N4BP1: variants seen among roughly 807,000 people sequenced by gnomAD.
The protein encoded by N4BP1 is NEDD4-binding protein 1.
N4BP1 carries 21 observed loss-of-function variants against 70.9 expected under a neutral mutation model. The ratio of observed to expected loss-of-function variants is 0.30; its 90% CI spans 0.21 to 0.43. The LOEUF (loss-of-function observed/expected upper bound fraction) is 0.43, where lower values mean the gene tolerates loss of function less well. Among genes scored for constraint, N4BP1 ranks in the 20% least tolerant of loss-of-function variants. N4BP1 has a pLI of 1.00. For synonymous variants in N4BP1, 387 were observed against 394.6 expected (o/e 0.98, Z 0.23); for missense variants, 936 against 1,069.4 (o/e 0.88, Z 1.74).
At chr16:48,606,573 G>A (rs894373566) in intron 1 of N4BP1, among the ~76,000 whole-genome samples, 5 of 152,156 alleles carry the variant, frequency 3.3e-5, no homozygotes, top group African/African-American at 2.4e-5. Context: ...TGCTTTCTAC[G>A]ACAAATCTTC....
At chr16:48,551,277 C>T (rs1163272885) in intron 4 of N4BP1, 109 bp downstream of exon 4, 9 of 690,028 alleles carry the variant, frequency 1.3e-5, no homozygotes, top group East Asian at 2.6e-5. Flanking sequence ...AAATATTAAA[C>T]CCACTGCATC....
At chr16:48,571,732 G>GA (rs1440451497) in intron 1 of N4BP1, among the ~76,000 whole-genome samples, 2 of 152,062 alleles carry the variant, frequency 1.3e-5, no homozygotes, top group Non-Finnish European at 2.9e-5. Context: ...TAGAAAAACT[G>GA]AAAGACAAAG....
intron 1 of N4BP1, among the ~76,000 whole-genome samples, chr16:48,608,770 A>G (rs1039658185): frequency 2.5e-4 from 37 of 149,882 alleles, no homozygotes; most frequent in Non-Finnish European, 4.0e-4. Context: ...AAAAAAAAAA[A>G]GGCGGGGTGG....
intron 2 of N4BP1, among the ~76,000 whole-genome samples, chr16:48,554,122 T>TG (rs528945791): frequency 1.3e-5 from 2 of 148,708 alleles, no homozygotes; most frequent in Non-Finnish European, 3.0e-5. Flanking sequence ...ATGAAACTAA[T>TG]GGGGGGCCGT....
intron 1 of N4BP1, among the ~76,000 whole-genome samples, chr16:48,566,444 T>C (rs1423462300): frequency 6.6e-6 from 1 of 152,192 alleles, no homozygotes; most frequent in African/African-American, 2.4e-5. Flanking sequence ...TTCATTTAGT[T>C]CAATATATTT....
chr16:48,600,224 C>A, intron 1 of N4BP1: 1 of 773,238 alleles, frequency 1.3e-6, no homozygotes, highest in South Asian at 1.4e-5. Flanking sequence ...GCATGATGTT[C>A]ATCCGCAACG....
intron 6 of N4BP1, 79 bp from the exon 7 acceptor site, chr16:48,543,340 G>A (rs545661876): frequency 1.2e-5 from 15 of 1,213,886 alleles, no homozygotes; most frequent in East Asian, 8.0e-5. Flanking sequence ...AGGTACCTGC[G>A]GCAGGCCTTG....
At chr16:48,577,955 C>G (rs1386305808) in intron 1 of N4BP1, 1 of 155,444 alleles carries the variant, frequency 6.4e-6, no homozygotes, top group African/African-American at 2.4e-5. Flanking sequence ...GCCCCTCGGA[C>G]GGCATCTCCT....
intron 2 of N4BP1, among the ~76,000 whole-genome samples, chr16:48,558,894 A>G (rs1167378504): frequency 1.3e-5 from 2 of 152,268 alleles, no homozygotes; most frequent in East Asian, 3.8e-4. Context: ...AGCATATTGC[A>G]TATTTTTGCT....
In N4BP1 at chr16:48,585,413, G is replaced by A. The variant is rs143453648; in HGVS notation, c.199-22969C>T. ...GCAATTTGGGAGGCTAAGGCAGGAG[G>A]ATTGCTTGAGCCCAGGAGCTCAAGA... On this transcript the variant is annotated intron_variant, in intron 1 of 6. Coordinates refer to ENST00000262384, the MANE Select transcript of N4BP1 (RefSeq NM_153029.4). Among the ~76,000 whole-genome samples the A allele has an allele frequency of 1.4e-4, 21 of 151,886 alleles. No individual in the cohort carries two copies. The East Asian group carries it at 4.1e-3, about 30-fold the overall frequency.
At chr16:48,549,849 C>G (rs1329573439) in intron 4 of N4BP1, among the ~76,000 whole-genome samples, 1 of 152,164 alleles carries the variant, frequency 6.6e-6, no homozygotes, top group Non-Finnish European at 1.5e-5. Flanking sequence ...TAAACACTAT[C>G]TTCAATGGAG....
intron 5 of N4BP1, 178 bp from the exon 6 acceptor site, chr16:48,546,432 G>A (rs1803296199): frequency 4.9e-6 from 2 of 405,908 alleles, no homozygotes; most frequent in Admixed American, 8.8e-5. Flanking sequence ...TTTAATTTCT[G>A]TTTTGGACAC....
At chr16:48,600,608 G>A in intron 1 of N4BP1, 1 of 548,562 alleles carries the variant, frequency 1.8e-6, no homozygotes, top group Non-Finnish European at 3.5e-6. Context: ...AGAGAAAACA[G>A]TACAGCAGTT....
In N4BP1 at chr16:48,543,806, C is replaced by A. The variant is rs576404548; in HGVS notation, c.2334-545G>T. Among the ~76,000 whole-genome samples, 3 of 152,250 alleles carry A rather than the reference C, an allele frequency of 2.0e-5. No homozygotes were observed. The South Asian group carries it at 6.2e-4, about 32-fold the overall frequency. Reference sequence around the variant, plus strand: ...CTCAAAAGCCTCCCACTGGACTCGGCCTGCAGGCGAGAAATGAGGCTAGCT... The same window carrying A: ...CTCAAAAGCCTCCCACTGGACTCGGACTGCAGGCGAGAAATGAGGCTAGCT... On this transcript the variant is annotated intron_variant, in intron 6 of 6. Coordinates refer to ENST00000262384, the MANE Select transcript of N4BP1 (RefSeq NM_153029.4).
intron 1 of N4BP1, among the ~76,000 whole-genome samples, chr16:48,588,917 T>C (rs1027864695): frequency 6.6e-6 from 1 of 152,144 alleles, no homozygotes; most frequent in Non-Finnish European, 1.5e-5. Context: ...AACAAAGACT[T>C]TGTGGTCCAC....
chr16:48,578,940 G>A lies in N4BP1; in HGVS notation c.199-16496C>T, dbSNP rs565374968. Among the ~76,000 whole-genome samples the A allele has an allele frequency of 3.3e-5, 5 of 152,276 alleles. No individual in the cohort carries two copies. In the East Asian group the frequency reaches 9.6e-4, roughly 29 times the overall value. ...ATGTATTATATTAAGAGTGGGGACT[G>A]GCCTTGGTCATTTAACTATGGTTCT... On this transcript the variant is annotated intron_variant, in intron 1 of 6. Transcript: ENST00000262384.
intron 1 of N4BP1, among the ~76,000 whole-genome samples, chr16:48,565,688 CTG>C (rs976388166): frequency 6.6e-6 from 1 of 152,156 alleles, no homozygotes; most frequent in Non-Finnish European, 1.5e-5. Context: ...TTGGAAGAGA[CTG>C]TGTAGAATTG....
rs373989860 is a variant in N4BP1, at chr16:48,602,273, T to C, written c.198+7502A>G. Among the ~76,000 whole-genome samples, 3 of 152,028 alleles carry C rather than the reference T, an allele frequency of 2.0e-5. No individual in the cohort carries two copies. The East Asian group carries it at 5.8e-4, about 29-fold the overall frequency. On this transcript the variant is annotated intron_variant, in intron 1 of 6. Coordinates refer to ENST00000262384, the MANE Select transcript of N4BP1 (RefSeq NM_153029.4). ...AACAAAAAACACAACAACAAAAAAC[T>C]GATGTTTAAAAAAGTTTTTTAATTA...
chr16:48,548,360 AC>A (rs1362858675), intron 4 of N4BP1, among the ~76,000 whole-genome samples: 1 of 152,248 alleles, frequency 6.6e-6, no homozygotes, highest in Non-Finnish European at 1.5e-5. Flanking sequence ...AATGATCTCA[AC>A]TATAATTTAT....
Sources: gnomAD v4.1 joint callset for allele counts (sites outside exome capture counted in the v4.1 genomes callset) on GRCh38, gnomAD v4.1.1 for gene constraint, MANE v1.5 for transcripts, NCBI Gene and HGNC (gene_info 2026-07-23, HGNC 2026-07-21) for gene names.